The following ST3GAL1 variants were observed in gnomAD, a reference collection of about 807,000 sequenced individuals.
ST3GAL1 encodes ST3 beta-galactoside alpha-2,3-sialyltransferase 1.
Under a neutral mutation model 34.1 loss-of-function variants are expected in ST3GAL1, and 16 were observed. That is an observed-to-expected ratio of 0.47 (90% CI 0.32 to 0.71). ST3GAL1 has a LOEUF of 0.71. Among genes scored for constraint, ST3GAL1 ranks in the 30% least tolerant of loss-of-function variants. The pLI, the probability that ST3GAL1 is intolerant of heterozygous loss-of-function variation, is 0.04. For missense variants in ST3GAL1, 353 were observed against 447.4 expected, an observed-to-expected ratio of 0.79 and a Z score of 1.90; for synonymous variants, 191 against 184.7, an observed-to-expected ratio of 1.03 and a Z score of -0.28.
In ST3GAL1 at chr8:133,467,560, C is replaced by A. The variant is rs539216412; in HGVS notation, c.307-1470G>T. On this transcript the variant is annotated intron_variant, in intron 5 of 9. Transcript: ENST00000522652. The surrounding 1 kb of genome is among the most constrained non-coding windows in gnomAD (Gnocchi z 4.2). The stretch of plus-strand genomic sequence containing the variant: ...GAAACCCACCAGCAGGTTTCTCCCA[C>A]CACACAACCCTAACTCTGGCTCTTG... Among the ~76,000 whole-genome samples, 1 of 152,340 alleles carries A rather than the reference C, an allele frequency of 6.6e-6. No homozygotes were observed. Among genetic ancestry groups the A allele is most frequent in the South Asian group, 2.1e-4 (1 of 4,828 alleles).
intron 1 of ST3GAL1, among the ~76,000 whole-genome samples, chr8:133,563,268 C>G (rs1019721979): frequency 2.0e-5 from 3 of 152,086 alleles, no homozygotes; most frequent in Admixed American, 2.0e-4. Flanking sequence ...ACTTGTAACC[C>G]TCTTTTTAAT....
chr8:133,476,044 G>T lies in ST3GAL1; in HGVS notation c.-20C>A. ...CACCATCTTCGCAGTCCTGATGGTG[G>T]CCTCCCACGATGGGTAGCAGGAACT... On this transcript the variant is annotated 5_prime_UTR_variant, in exon 5 of 10. Transcript: ENST00000522652. 1 of 1,541,364 alleles carries T rather than the reference G, an allele frequency of 6.5e-7. No individual in the cohort carries two copies.
intron 3 of ST3GAL1, among the ~76,000 whole-genome samples, chr8:133,484,172 A>G (rs1816494498): frequency 6.6e-6 from 1 of 152,170 alleles, no homozygotes; most frequent in Admixed American, 6.5e-5. Context: ...GGGGTCAGCC[A>G]GATCTGGGTT....
At chr8:133,497,379 A>T (rs1455157126) in intron 3 of ST3GAL1, among the ~76,000 whole-genome samples, 1 of 151,732 alleles carries the variant, frequency 6.6e-6, no homozygotes. Flanking sequence ...GAAATTGTGC[A>T]AAGAGGATTA....
chr8:133,518,175 C>T (rs905978124), intron 2 of ST3GAL1, among the ~76,000 whole-genome samples: 1 of 152,234 alleles, frequency 6.6e-6, no homozygotes, highest in Admixed American at 6.5e-5. Flanking sequence ...TGCTGCCTGC[C>T]ATCCCCTGGG....
intron 3 of ST3GAL1, among the ~76,000 whole-genome samples, chr8:133,483,111 G>A (rs1029626211): frequency 9.8e-5 from 15 of 152,348 alleles, no homozygotes; most frequent in Middle Eastern, 3.4e-3. Context: ...GGAGGCTGGG[G>A]TGGGCGGATC....
At position 133,455,227 on chromosome 8, in the gene ST3GAL1, A is replaced by C. The variant is rs1357934445; in HGVS notation, c.*4537T>G. 1 of 152,392 alleles carries C rather than the reference A, an allele frequency of 6.6e-6. No homozygotes were observed. The highest frequency in any genetic ancestry group is 1.5e-5 in the Non-Finnish European group (1 of 68,106). The allele number at this position is 152,392 out of a possible 1,614,324, so 9.4% of individuals were successfully genotyped here. ...GGTTAAAGCTGACGTCCCACAGCTC[A>C]GGACGTACAACCGATGGCAGTTTTG... On this transcript the variant is annotated 3_prime_UTR_variant, in exon 10 of 10. Transcript: ENST00000522652.
At chr8:133,540,934 C>CATATATAGACAT (rs71299076) in intron 2 of ST3GAL1, among the ~76,000 whole-genome samples, 1,125 of 51,382 alleles carry the variant, frequency 0.022, 100 homozygotes, top group Middle Eastern at 0.1. Flanking sequence ...TATATATAGA[C>CATATATAGACAT]ATATATAGAC....
intron 2 of ST3GAL1, among the ~76,000 whole-genome samples, chr8:133,529,326 A>G (rs1468190457): frequency 6.6e-6 from 1 of 152,206 alleles, no homozygotes; most frequent in Non-Finnish European, 1.5e-5. Flanking sequence ...GGCAGTTCTG[A>G]TGAAGAAGAG....
In ST3GAL1 at chr8:133,565,852, C is replaced by CCAGGGT. The variant is rs1200525974; in HGVS notation, c.-582+5840_-582+5841insACCCTG. Among the ~76,000 whole-genome samples, 41 of 151,950 alleles carry CCAGGGT rather than the reference C, an allele frequency of 2.7e-4. 1 individual carries two copies. Among genetic ancestry groups the CCAGGGT allele is most frequent in the Admixed American group, 9.1e-4 (14 of 15,302 alleles). On this transcript the variant is annotated intron_variant, in intron 1 of 9. Transcript: ENST00000522652. ...AGATGGGCCAGGGCCAGGGCCAGGG[C>CCAGGGT]CCAGGAGTTCTGTGTCCTTGGCCAG...
chr8:133,562,794 TTTCCTTCCTTCCTTCC>T (rs772597674), intron 1 of ST3GAL1, among the ~76,000 whole-genome samples: 1,983 of 108,582 alleles, frequency 0.018, 28 homozygotes, highest in Middle Eastern at 0.025. Flanking sequence ...TCTTTCTTTC[TTTCCTTCCTTCCTTCC>T]TTCCTTCCTT....
intron 7 of ST3GAL1, 102 bp downstream of exon 7, chr8:133,464,676 G>A: frequency 1.5e-6 from 2 of 1,352,038 alleles, no homozygotes; most frequent in East Asian, 2.4e-5. Context: ...TGGGGGAGGG[G>A]AGGCACCCCG....
In ST3GAL1 at chr8:133,570,073, C is replaced by A. The variant is rs1460701904; in HGVS notation, c.-582+1620G>T. ...GTTAGCACCTACGACGTGCCAGGCGCCCTGGCGACTATTGGAAAACCCGGC... is the reference window on the plus strand; with the variant it reads ...GTTAGCACCTACGACGTGCCAGGCGACCTGGCGACTATTGGAAAACCCGGC... On this transcript the variant is annotated intron_variant, in intron 1 of 9. Coordinates refer to ENST00000522652, the MANE Select transcript of ST3GAL1 (RefSeq NM_173344.3). The surrounding 1 kb of genome is among the most constrained non-coding windows in gnomAD (Gnocchi z 5.6). The A allele has an allele frequency of 6.6e-6, 1 of 152,338 alleles. No homozygotes were observed. Among genetic ancestry groups the A allele is most frequent in the Non-Finnish European group, 1.5e-5 (1 of 68,110 alleles). The allele number at this position is 152,338 out of a possible 1,614,324, so 9.4% of individuals were successfully genotyped here.
chr8:133,462,113 G>A (rs376445925), intron 8 of ST3GAL1, 119 bp from the exon 9 acceptor site: 32 of 1,442,062 alleles, frequency 2.2e-5, no homozygotes, highest in Admixed American at 8.2e-5. Flanking sequence ...TAATAGATAC[G>A]CCTGCACTTG....
rs1038723578 is a variant in ST3GAL1 at position 133,497,527 on chromosome 8, C to T, written c.-374+1608G>A. Among the ~76,000 whole-genome samples, 7 of 124,874 alleles carry T rather than the reference C, an allele frequency of 5.6e-5. No homozygotes were observed. The East Asian group carries it at 1.6e-3, about 29-fold the overall frequency. The allele number at this position is 124,874 out of a possible 152,430, so 81.9% of individuals were successfully genotyped here. On this transcript the variant is annotated intron_variant, in intron 3 of 9. Transcript: ENST00000522652. ...GCTCTTTTGCCCAGGCTGGAGTGCA[C>T]GGGCGCAATCTCGGCTAACTGCAAC...
chr8:133,491,042 C>A (rs1816769149), intron 3 of ST3GAL1, among the ~76,000 whole-genome samples: 1 of 152,058 alleles, frequency 6.6e-6, no homozygotes, highest in Non-Finnish European at 1.5e-5. Context: ...TTAGTGCCTC[C>A]TGCTTGTTCC....
intron 2 of ST3GAL1, among the ~76,000 whole-genome samples, chr8:133,529,061 A>G (rs1318332572): frequency 1.3e-5 from 2 of 152,240 alleles, no homozygotes; most frequent in Non-Finnish European, 2.9e-5. Context: ...GGTGGGACAA[A>G]GCGAACCAGT....
chr8:133,535,984 A>C (rs79690823), intron 2 of ST3GAL1, among the ~76,000 whole-genome samples: 1,687 of 152,274 alleles, frequency 0.011, 15 homozygotes, highest in Non-Finnish European at 0.018. Flanking sequence ...AGCCTGAAAT[A>C]TCTCCACATC....
intron 2 of ST3GAL1, among the ~76,000 whole-genome samples, chr8:133,544,830 T>C (rs1412205427): frequency 6.6e-6 from 1 of 152,194 alleles, no homozygotes; most frequent in African/African-American, 2.4e-5. Flanking sequence ...AGTGAGACAG[T>C]GTGCACGACA....
Sources: allele counts gnomAD v4.1 joint callset (sites outside exome capture counted in the v4.1 genomes callset), GRCh38; gene constraint gnomAD v4.1.1; non-coding constraint Gnocchi (gnomAD v3.1); transcripts MANE v1.5; gene names NCBI Gene and HGNC (gene_info 2026-07-23, HGNC 2026-07-21).